EPHA4: variants seen among roughly 807,000 people sequenced by gnomAD.
The protein encoded by EPHA4 is EPH receptor A4, also known as ephrin type-A receptor 4.
In EPHA4, 19 loss-of-function variants were observed where a neutral mutation model predicts 108.3. That is an observed-to-expected ratio of 0.18 (90% confidence interval 0.12 to 0.26). The LOEUF (loss-of-function observed/expected upper bound fraction) is 0.26. Ranked by LOEUF, EPHA4 falls within the 10% of genes least tolerant of loss-of-function variation. The pLI, the probability that EPHA4 is intolerant of heterozygous loss-of-function variation, is 1.00. For missense variants in EPHA4, 917 were observed against 1,254.0 expected (o/e 0.73, Z 4.06); for synonymous variants, 449 against 455.5 (o/e 0.99, Z 0.18).
At chr2:221,429,859 T>C in intron 15 of EPHA4, 99 bp downstream of exon 15, 5 of 1,325,232 alleles carry the variant, frequency 3.8e-6, no homozygotes, top group South Asian at 2.6e-5. Flanking sequence ...AGCCATGAAG[T>C]GGCCTCTGAT....
At chr2:221,429,587 T>C (rs1263868547) in intron 15 of EPHA4, among the ~76,000 whole-genome samples, 1 of 152,214 alleles carries the variant, frequency 6.6e-6, no homozygotes. Flanking sequence ...TTTCTTACTA[T>C]TCCAGTGTTC....
At position 221,518,643 on chromosome 2, in the gene EPHA4, G is replaced by A. The variant is rs548082314; in HGVS notation, c.824-17471C>T. Among the ~76,000 whole-genome samples the A allele has an allele frequency of 2.6e-5, 4 of 152,318 alleles. No individual in the cohort carries two copies. In the East Asian group the frequency reaches 5.8e-4, roughly 22 times the overall value. On this transcript the variant is annotated intron_variant, in intron 3 of 17. Transcript: ENST00000281821. ...ACCACTCCTTGCTGTGAACCAAGCT[G>A]TACGAAGATCATTTCAGATTTACTT...
rs141451537 is a variant in EPHA4, at chr2:221,426,451, G to A, written c.2846+13C>T. ...TAGATTTACCCTTTCGTGTTACATC[G>A]TTGAGTACTTACTCCTGGTTCACGT... On this transcript the variant is annotated intron_variant, in intron 16 of 17. Coordinates refer to ENST00000281821, the MANE Select transcript of EPHA4 (RefSeq NM_004438.5). The A allele has an allele frequency of 9.9e-5, 158 of 1,588,586 alleles. 1 individual carries two copies. The East Asian group carries it at 2.8e-3, about 28-fold the overall frequency.
At chr2:221,511,000 G>T (rs1692809900) in intron 3 of EPHA4, among the ~76,000 whole-genome samples, 1 of 152,158 alleles carries the variant, frequency 6.6e-6, no homozygotes, top group Non-Finnish European at 1.5e-5. Context: ...CCAATCTCTA[G>T]TTGATAATCC....
intron 2 of EPHA4, among the ~76,000 whole-genome samples, chr2:221,567,837 T>C (rs1694719293): frequency 6.6e-6 from 1 of 152,234 alleles, no homozygotes. Flanking sequence ...TTGTTTTTAA[T>C]CAATGGACTC....
chr2:221,561,299 G>T lies in EPHA4; in HGVS notation c.823+2432C>A, dbSNP rs186700983. Among the ~76,000 whole-genome samples, 427 of 152,134 alleles carry T rather than the reference G, an allele frequency of 2.8e-3. 2 individuals carry two copies. Among genetic ancestry groups the T allele is most frequent in the African/African-American group, 9.6e-3 (398 of 41,528 alleles). On this transcript the variant is annotated intron_variant, in intron 3 of 17. Coordinates refer to ENST00000281821, the MANE Select transcript of EPHA4 (RefSeq NM_004438.5). ...GTCTCACTCAAGCTTGGAATCCTTTGTCATTCAAGTTTTTTCTTACCTAAC... is the reference window on the plus strand; with the variant it reads ...GTCTCACTCAAGCTTGGAATCCTTTTTCATTCAAGTTTTTTCTTACCTAAC...
At chr2:221,544,098 C>A (rs1693914300) in intron 3 of EPHA4, among the ~76,000 whole-genome samples, 1 of 152,282 alleles carries the variant, frequency 6.6e-6, no homozygotes, top group South Asian at 2.1e-4. Flanking sequence ...GAGGGCTCCA[C>A]TCTCATGACC....
Position 221,426,428 on chromosome 2 carries a change from G to C in EPHA4, c.2846+36C>G, listed in dbSNP as rs746315861. 56 of 1,566,958 alleles carry C rather than the reference G, an allele frequency of 3.6e-5. No homozygotes were observed. The South Asian group carries it at 6.3e-4, about 18-fold the overall frequency. ...AAAAAAGAAAATACTATTAAATCTA[G>C]ATTTACCCTTTCGTGTTACATCGTT... On this transcript the variant is annotated intron_variant, in intron 16 of 17. Coordinates refer to ENST00000281821, the MANE Select transcript of EPHA4 (RefSeq NM_004438.5).
intron 2 of EPHA4, among the ~76,000 whole-genome samples, chr2:221,565,797 A>C (rs1694612665): frequency 6.6e-6 from 1 of 152,218 alleles, no homozygotes; most frequent in African/African-American, 2.4e-5. Context: ...TAGGAAATTC[A>C]TGTAAATCCA....
At chr2:221,559,782 C>G (rs1329153466) in intron 3 of EPHA4, among the ~76,000 whole-genome samples, 1 of 152,176 alleles carries the variant, frequency 6.6e-6, no homozygotes, top group African/African-American at 2.4e-5. Flanking sequence ...ATATTATCCT[C>G]TGCATCCAAT....
intron 13 of EPHA4, 66 bp downstream of exon 13, chr2:221,436,333 C>A: frequency 6.6e-7 from 1 of 1,508,968 alleles, no homozygotes; most frequent in South Asian, 1.2e-5. Context: ...GGGCTTCAAT[C>A]TCAAAGTGAG....
At chr2:221,543,481 G>A (rs979062695) in intron 3 of EPHA4, among the ~76,000 whole-genome samples, 1 of 152,110 alleles carries the variant, frequency 6.6e-6, no homozygotes, top group Admixed American at 6.5e-5. Flanking sequence ...ATACTTGCCT[G>A]TATTCCGCAT....
intron 13 of EPHA4, 129 bp from the exon 14 acceptor site, chr2:221,434,420 C>G: frequency 1.1e-6 from 1 of 945,862 alleles, no homozygotes; most frequent in Non-Finnish European, 1.6e-6. Flanking sequence ...AACAATAAGA[C>G]ACTTGTTCAT....
Position 221,499,715 on chromosome 2 carries a change from A to ATT in EPHA4, c.979+1301_979+1302insAA, listed in dbSNP as rs1322169477. 1.5e-3 allele frequency among the ~76,000 whole-genome samples: 71 copies of ATT among 48,442 alleles called. 1 individual carries two copies. The highest frequency in any genetic ancestry group is 2.4e-3 in the South Asian group (2 of 838). 31.8% of individuals were successfully genotyped at this position (48,442 alleles called of 152,430 possible). Reference sequence around the variant, plus strand: ...AATAGTCATAATGATAACTAAAACTAATATATATATATATATATATATATA... The same window carrying ATT: ...AATAGTCATAATGATAACTAAAACTATTATATATATATATATATATATATATA... On this transcript the variant is annotated intron_variant, in intron 4 of 17. Coordinates refer to ENST00000281821, the MANE Select transcript of EPHA4 (RefSeq NM_004438.5).
Position 221,425,219 on chromosome 2 carries a change from TG to T in EPHA4, c.*808del, listed in dbSNP as rs1347090627. ...GGTTGTTGGACTTACCTTGCAGATC[TG>T]GGGTCGCTTCTTTAAAGGAGCGAAG... On this transcript the variant is annotated 3_prime_UTR_variant, in exon 17 of 18. Coordinates refer to ENST00000281821, the MANE Select transcript of EPHA4 (RefSeq NM_004438.5). The T allele has an allele frequency of 1.3e-5, 2 of 152,550 alleles. No homozygotes were observed. The highest frequency in any genetic ancestry group is 4.8e-5 in the African/African-American group (2 of 41,456). The allele number at this position is 152,550 out of a possible 1,614,324, so 9.4% of individuals were successfully genotyped here.
At chr2:221,525,161 C>T (rs1465389276) in intron 3 of EPHA4, among the ~76,000 whole-genome samples, 1 of 152,104 alleles carries the variant, frequency 6.6e-6, no homozygotes, top group African/African-American at 2.4e-5. Context: ...CTGTCAGGGA[C>T]CTCAGTGTTC....
chr2:221,477,749 T>C (rs1278942801), intron 5 of EPHA4, among the ~76,000 whole-genome samples: 3 of 152,174 alleles, frequency 2.0e-5, no homozygotes, highest in African/African-American at 2.4e-5. Flanking sequence ...TTTCTAAACA[T>C]GTTAGAAGAA....
In EPHA4 at chr2:221,571,826, T is replaced by C. The variant is rs1164177535; in HGVS notation, c.91+332A>G. Among the ~76,000 whole-genome samples, 1 of 152,118 alleles carries C rather than the reference T, an allele frequency of 6.6e-6. No individual in the cohort carries two copies. Among genetic ancestry groups the C allele is most frequent in the Non-Finnish European group, 1.5e-5 (1 of 68,014 alleles). On this transcript the variant is annotated intron_variant, in intron 1 of 17. Transcript: ENST00000281821. The surrounding 1 kb of genome is among the most constrained non-coding windows in gnomAD (Gnocchi z 6.3). ...GGCTCAGGAGAGGACGTGGTTCTTG[T>C]AATTTTTTTTTTAAATCCCGGCGTT...
intron 5 of EPHA4, among the ~76,000 whole-genome samples, chr2:221,481,256 G>A (rs1691807923): frequency 6.6e-6 from 1 of 152,156 alleles, no homozygotes; most frequent in Non-Finnish European, 1.5e-5. Context: ...TCATGAACAG[G>A]AAATGTTTTC....
Sources: allele counts gnomAD v4.1 joint callset (sites outside exome capture counted in the v4.1 genomes callset), GRCh38; gene constraint gnomAD v4.1.1; non-coding constraint Gnocchi (gnomAD v3.1); transcripts MANE v1.5; gene names NCBI Gene and HGNC (gene_info 2026-07-23, HGNC 2026-07-21).